Variants in SGCD observed in about 807,000 individuals in gnomAD.
SGCD encodes sarcoglycan delta, also known as delta-sarcoglycan.
Under a neutral mutation model 36.6 loss-of-function variants are expected in SGCD, and 18 were observed. The ratio of observed to expected loss-of-function variants is 0.49; its 90% CI spans 0.34 to 0.73. SGCD has a LOEUF of 0.73. Ranked by LOEUF, SGCD falls within the 30% of genes least tolerant of loss-of-function variation. SGCD has a pLI of 0.01. For synonymous variants in SGCD, 133 were observed against 130.6 expected (o/e 1.02, Z -0.12); for missense variants, 387 against 346.7 (o/e 1.12, Z -0.92).
At chr5:156,069,706 C>A (rs368711300) in intron 1 of SGCD, among the ~76,000 whole-genome samples, 6,691 of 146,212 alleles carry the variant, frequency 0.046, 520 homozygotes, top group African/African-American at 0.16. Context: ...TCTATAAATT[C>A]CCTTGGGCAG....
At chr5:156,219,937 C>T (rs1052458635) in intron 3 of SGCD, among the ~76,000 whole-genome samples, 9 of 152,150 alleles carry the variant, frequency 5.9e-5, no homozygotes, top group African/African-American at 2.2e-4. Flanking sequence ...AGTGCCAGTT[C>T]AGAATGTGAT....
At chr5:155,770,939 T>C in the SGCD span, among the ~76,000 whole-genome samples, 1 of 152,192 alleles carries the variant, frequency 6.6e-6, no homozygotes, top group Non-Finnish European at 1.5e-5. Context: ...CTCTTAAGTA[T>C]TCTGGATATT....
rs575652689 is a variant in SGCD, at chr5:156,705,664, G to T, written c.576-51917G>T. Among the ~76,000 whole-genome samples the T allele has an allele frequency of 2.4e-4, 37 of 152,234 alleles. No individual in the cohort carries two copies. The South Asian group carries it at 7.7e-3, about 32-fold the overall frequency. Reference sequence around the variant, plus strand: ...AGGTCAGAGAGATATAGTCTGTACTGATTAAGAAGAACTCAATATCTTGGA... The same window carrying T: ...AGGTCAGAGAGATATAGTCTGTACTTATTAAGAAGAACTCAATATCTTGGA... On this transcript the variant is annotated intron_variant, in intron 7 of 8. Transcript: ENST00000337851.
chr5:155,941,474 A>C (rs1757324373), intron 1 of SGCD, among the ~76,000 whole-genome samples: 1 of 151,540 alleles, frequency 6.6e-6, no homozygotes, highest in Admixed American at 6.6e-5. Context: ...GATATTATTT[A>C]AATAATTATA....
At chr5:156,719,462 T>C (rs1288138851) in intron 7 of SGCD, among the ~76,000 whole-genome samples, 1 of 152,116 alleles carries the variant, frequency 6.6e-6, no homozygotes, top group Non-Finnish European at 1.5e-5. Flanking sequence ...GGACACCGTG[T>C]CCTAGCCAAG....
chr5:156,628,275 T>C (rs900716224), intron 6 of SGCD, among the ~76,000 whole-genome samples: 2 of 152,092 alleles, frequency 1.3e-5, no homozygotes, highest in African/African-American at 4.8e-5. Flanking sequence ...ACCTCCAACA[T>C]TGAGGATTGC....
At chr5:156,278,301 A>G (rs910457083) in intron 3 of SGCD, among the ~76,000 whole-genome samples, 1 of 152,160 alleles carries the variant, frequency 6.6e-6, no homozygotes, top group Non-Finnish European at 1.5e-5. Context: ...ATGTTATTGA[A>G]GAGTGTCAGG....
chr5:156,485,563 C>T (rs908454688), intron 3 of SGCD, among the ~76,000 whole-genome samples: 8 of 151,880 alleles, frequency 5.3e-5, no homozygotes, highest in South Asian at 4.2e-4. Flanking sequence ...CTGGGAAGGC[C>T]GAAGCTGGAG....
At chr5:156,432,043 G>C (rs1753037214) in intron 3 of SGCD, among the ~76,000 whole-genome samples, 1 of 152,146 alleles carries the variant, frequency 6.6e-6, no homozygotes, top group Non-Finnish European at 1.5e-5. Context: ...CTGCTTTTCT[G>C]GGTCTAGCCA....
At chr5:156,219,644 G>A (rs1764669295) in intron 3 of SGCD, among the ~76,000 whole-genome samples, 1 of 152,130 alleles carries the variant, frequency 6.6e-6, no homozygotes, top group African/African-American at 2.4e-5. Flanking sequence ...ACTTTATTGA[G>A]GTCATACTAA....
At chr5:155,934,468 A>G (rs1757159949) in intron 1 of SGCD, among the ~76,000 whole-genome samples, 1 of 152,236 alleles carries the variant, frequency 6.6e-6, no homozygotes, top group Non-Finnish European at 1.5e-5. Flanking sequence ...GACAAACAGA[A>G]TAACTTATGA....
At chr5:156,011,139 A>G (rs1758852251) in intron 1 of SGCD, among the ~76,000 whole-genome samples, 1 of 152,196 alleles carries the variant, frequency 6.6e-6, no homozygotes, top group African/African-American at 2.4e-5. Flanking sequence ...TATATTTTGG[A>G]CATCTACTCT....
intron 1 of SGCD, among the ~76,000 whole-genome samples, chr5:156,083,139 G>A (rs999411286): frequency 2.6e-5 from 4 of 151,750 alleles, no homozygotes; most frequent in African/African-American, 9.7e-5. Context: ...TTGTTGAGTT[G>A]TGAGACTTCT....
intron 6 of SGCD, among the ~76,000 whole-genome samples, chr5:156,632,208 A>G (rs1276491639): frequency 1.3e-5 from 2 of 152,040 alleles, no homozygotes; most frequent in Non-Finnish European, 2.9e-5. Context: ...TGCTTGGGTC[A>G]CATGCCCCTA....
chr5:156,608,392 C>G (rs1029951943), intron 6 of SGCD, among the ~76,000 whole-genome samples: 26 of 151,944 alleles, frequency 1.7e-4, no homozygotes, highest in African/African-American at 5.8e-4. Flanking sequence ...AGTTTGATTG[C>G]ACTGTGGTCT....
At chr5:156,622,368 G>C (rs866648612) in intron 6 of SGCD, among the ~76,000 whole-genome samples, 1 of 151,180 alleles carries the variant, frequency 6.6e-6, no homozygotes, top group Non-Finnish European at 1.5e-5. Context: ...AGAAGGCAGA[G>C]GTTGCAGTGA....
At chr5:156,560,263 A>G (rs1759214639) in intron 4 of SGCD, among the ~76,000 whole-genome samples, 1 of 152,212 alleles carries the variant, frequency 6.6e-6, no homozygotes, top group Non-Finnish European at 1.5e-5. Context: ...TTTTCCTTCC[A>G]TCAGAATTGC....
chr5:156,217,389 C>A (rs1764602763), intron 3 of SGCD, among the ~76,000 whole-genome samples: 2 of 152,240 alleles, frequency 1.3e-5, no homozygotes, highest in Admixed American at 1.3e-4. Context: ...TATTATCATA[C>A]CTCTATAGAT....
At chr5:155,927,825 T>A (rs144371024) in intron 1 of SGCD, among the ~76,000 whole-genome samples, 1 of 152,304 alleles carries the variant, frequency 6.6e-6, no homozygotes, top group East Asian at 1.9e-4. Context: ...AATAACATGG[T>A]CAGTTGTGAG....
Sources: allele counts gnomAD v4.1 joint callset (sites outside exome capture counted in the v4.1 genomes callset), GRCh38; gene constraint gnomAD v4.1.1; transcripts MANE v1.5; gene names NCBI Gene and HGNC (gene_info 2026-07-23, HGNC 2026-07-21).